FUT8: variants seen among roughly 807,000 people sequenced by gnomAD.
The protein encoded by FUT8 is alpha-(1,6)-fucosyltransferase.
Under a neutral mutation model 71.3 loss-of-function variants are expected in FUT8, and 29 were observed. The observed-to-expected ratio is 0.41, with a 90% CI of 0.30 to 0.55. The LOEUF (loss-of-function observed/expected upper bound fraction) is 0.55, where lower values mean the gene tolerates loss of function less well. Among genes scored for constraint, FUT8 ranks in the 20% least tolerant of loss-of-function variants. FUT8 has a pLI of 0.34. For synonymous variants in FUT8, 254 were observed against 239.3 expected (o/e 1.06, Z -0.57); for missense variants, 544 against 702.1 (o/e 0.77, Z 2.55).
chr14:65,595,783 GTATTTT>G (rs1296537295), intron 3 of FUT8, among the ~76,000 whole-genome samples: 1 of 151,656 alleles, frequency 6.6e-6, no homozygotes. Flanking sequence ...TAATTTTTTT[GTATTTT>G]TAGTAGAGAC....
intron 2 of FUT8, among the ~76,000 whole-genome samples, chr14:65,512,777 C>T (rs546545037): frequency 1.7e-4 from 26 of 151,694 alleles, no homozygotes; most frequent in African/African-American, 5.3e-4. Context: ...GGCATGGTGG[C>T]GGGCGCCTGT....
rs940508765 is a variant in FUT8 at position 65,652,471 on chromosome 14, A to T, written c.598-16772A>T. 6.6e-6 allele frequency among the ~76,000 whole-genome samples: 1 copy of T among 152,210 alleles called. No homozygotes were observed. The highest frequency in any genetic ancestry group is 2.4e-5 in the African/African-American group (1 of 41,454). On this transcript the variant is annotated intron_variant, in intron 6 of 10. Transcript: ENST00000673929. The surrounding 1 kb of genome is among the most constrained non-coding windows in gnomAD (Gnocchi z 4.0). ...GATATGATGTGAGAAGCTTGAGAGGACATGATGCTTTGGAGCTGTTACAAC... is the reference window on the plus strand; with the variant it reads ...GATATGATGTGAGAAGCTTGAGAGGTCATGATGCTTTGGAGCTGTTACAAC...
the FUT8 span, among the ~76,000 whole-genome samples, chr14:65,384,725 T>G: frequency 6.6e-5 from 10 of 152,196 alleles, no homozygotes; most frequent in African/African-American, 2.4e-4. The surrounding 1 kb of genome is among the most constrained non-coding windows in gnomAD (Gnocchi z 4.2). Context: ...AAATGCATTT[T>G]CATGTTATCA....
At position 65,442,957 on chromosome 14, in the gene FUT8, A is replaced by G. The variant is rs190960184; in HGVS notation, c.-325-12664A>G. On this transcript the variant is annotated intron_variant, in intron 1 of 10. Transcript: ENST00000673929. ...TCACAGACAGGAGGAACTTAAAACT[A>G]TGGGCTTTAGTTAATATATCAATAT... Among the ~76,000 whole-genome samples, 10 of 152,304 alleles carry G rather than the reference A, an allele frequency of 6.6e-5. No homozygotes were observed. The East Asian group carries it at 1.9e-3, about 29-fold the overall frequency.
chr14:65,470,361 C>T (rs1254200065), intron 2 of FUT8, among the ~76,000 whole-genome samples: 2 of 152,072 alleles, frequency 1.3e-5, no homozygotes, highest in African/African-American at 2.4e-5. Flanking sequence ...GACAGGGCTC[C>T]TGCCTGTTTC....
chr14:65,567,514 G>A (rs961768181), intron 3 of FUT8, among the ~76,000 whole-genome samples: 28 of 151,982 alleles, frequency 1.8e-4, no homozygotes, highest in South Asian at 2.1e-4. Flanking sequence ...GCTCTAGACC[G>A]TCTTCTCTAT....
At chr14:65,390,576 G>C in the FUT8 span, among the ~76,000 whole-genome samples, 13 of 151,178 alleles carry the variant, frequency 8.6e-5, no homozygotes, top group African/African-American at 3.2e-4. Flanking sequence ...TTTCTAAAAG[G>C]GTTATTATAT....
At chr14:65,422,120 C>T (rs866939610) in intron 1 of FUT8, among the ~76,000 whole-genome samples, 3 of 151,992 alleles carry the variant, frequency 2.0e-5, no homozygotes, top group Admixed American at 6.6e-5. Context: ...TTCCGGGTGG[C>T]CAGGGGTATT....
chr14:65,609,836 G>A (rs767026695), intron 3 of FUT8, among the ~76,000 whole-genome samples: 3 of 151,764 alleles, frequency 2.0e-5, no homozygotes, highest in Non-Finnish European at 2.9e-5. Flanking sequence ...TATTCTAGAT[G>A]TTTGTGTTTC....
rs1890662518 is a variant in FUT8, at chr14:65,638,258, C to T, written c.597+8652C>T. ...CTCCTCTCTCACTGTGTTGCCCAGGCTGGTCTCAAACTTCTGAGCTCAAGC... is the reference window on the plus strand; with the variant it reads ...CTCCTCTCTCACTGTGTTGCCCAGGTTGGTCTCAAACTTCTGAGCTCAAGC... On this transcript the variant is annotated intron_variant, in intron 6 of 10. Transcript: ENST00000673929. This position sits in a 1 kb window ranked among gnomAD's most constrained non-coding sequence, Gnocchi z 4.5. 6.6e-6 allele frequency among the ~76,000 whole-genome samples: 1 copy of T among 152,142 alleles called. No individual in the cohort carries two copies. The highest frequency in any genetic ancestry group is 1.5e-5 in the Non-Finnish European group (1 of 68,026).
At chr14:65,588,232 T>G (rs1215260974) in intron 3 of FUT8, among the ~76,000 whole-genome samples, 1 of 152,206 alleles carries the variant, frequency 6.6e-6, no homozygotes, top group Non-Finnish European at 1.5e-5. Flanking sequence ...AATAAGTTCA[T>G]TTTTACTGAA....
intron 7 of FUT8, among the ~76,000 whole-genome samples, chr14:65,702,986 C>T (rs1011450792): frequency 5.9e-5 from 9 of 152,174 alleles, no homozygotes; most frequent in Non-Finnish European, 1.3e-4. Context: ...ACCTCATGAT[C>T]CATCTGCCTT....
chr14:65,526,989 C>G (rs921286231), intron 2 of FUT8, among the ~76,000 whole-genome samples: 1 of 152,154 alleles, frequency 6.6e-6, no homozygotes, highest in African/African-American at 2.4e-5. Context: ...TCTGGCTGCC[C>G]TTAACATTTT....
chr14:65,533,560 A>G (rs1884094937), intron 2 of FUT8, among the ~76,000 whole-genome samples: 2 of 152,046 alleles, frequency 1.3e-5, no homozygotes, highest in African/African-American at 4.8e-5. Context: ...TTGGGCTGAG[A>G]CATTGGGGTT....
intron 3 of FUT8, among the ~76,000 whole-genome samples, chr14:65,596,383 C>T (rs1462662867): frequency 6.6e-6 from 1 of 152,160 alleles, no homozygotes; most frequent in Non-Finnish European, 1.5e-5. Context: ...CAGCAATATT[C>T]ACTTAGAACT....
intron 1 of FUT8, among the ~76,000 whole-genome samples, chr14:65,427,840 C>G (rs1000426457): frequency 6.6e-6 from 1 of 152,202 alleles, no homozygotes; most frequent in Non-Finnish European, 1.5e-5. Context: ...ACTCCCTGTG[C>G]CTATCCCCAG....
intron 2 of FUT8, chr14:65,488,234 G>C (rs1249836576): frequency 1.3e-5 from 2 of 152,166 alleles, no homozygotes. Flanking sequence ...ATTTGAATAG[G>C]GTTTTGCAGC....
intron 2 of FUT8, among the ~76,000 whole-genome samples, chr14:65,540,838 T>C (rs185193057): frequency 6.6e-6 from 1 of 152,192 alleles, no homozygotes; most frequent in East Asian, 1.9e-4. Context: ...CTAGTGAAAC[T>C]GGAATATTGT....
At chr14:65,452,221 A>G (rs2065838213) in intron 1 of FUT8, among the ~76,000 whole-genome samples, 1 of 152,224 alleles carries the variant, frequency 6.6e-6, no homozygotes, top group African/African-American at 2.4e-5. Flanking sequence ...TTCAGCATTC[A>G]GTGCTGTCAC....
Sources: gnomAD v4.1 joint callset for allele counts (sites outside exome capture counted in the v4.1 genomes callset) on GRCh38, gnomAD v4.1.1 for gene constraint, Gnocchi (gnomAD v3.1) non-coding constraint, MANE v1.5 for transcripts, NCBI Gene and HGNC (gene_info 2026-07-23, HGNC 2026-07-21) for gene names.